Variants in PTPRM observed in about 807,000 individuals in gnomAD.
PTPRM encodes the protein receptor-type tyrosine-protein phosphatase mu.
In PTPRM, 47 loss-of-function variants were observed where a neutral mutation model predicts 186.7. The observed-to-expected ratio is 0.25, with a 90% CI of 0.20 to 0.32. The LOEUF (loss-of-function observed/expected upper bound fraction) is 0.32. PTPRM is among the 10% of genes least tolerant of loss of function. The probability of loss-of-function intolerance (pLI) is 1.00; values close to 1 mark genes in which losing one functional copy is unlikely to be tolerated. For synonymous variants in PTPRM, 668 were observed against 674.9 expected (o/e 0.99, Z 0.16); for missense variants, 1,494 against 1,865.0 (o/e 0.80, Z 3.66).
chr18:7,791,320 G>T (rs567037087), intron 2 of PTPRM, among the ~76,000 whole-genome samples: 3 of 151,996 alleles, frequency 2.0e-5, no homozygotes, highest in Non-Finnish European at 4.4e-5. Context: ...TAGAAAAAAC[G>T]TATGTCTTGG....
At chr18:7,610,364 G>A (rs1010889181) in intron 1 of PTPRM, among the ~76,000 whole-genome samples, 14 of 151,914 alleles carry the variant, frequency 9.2e-5, no homozygotes, top group African/African-American at 2.4e-4. Context: ...ATGAAAGTCC[G>A]TTTTAGAATT....
At chr18:7,758,267 A>AGCTCTGT (rs1481494843) in intron 1 of PTPRM, among the ~76,000 whole-genome samples, 1 of 152,242 alleles carries the variant, frequency 6.6e-6, no homozygotes, top group African/African-American at 2.4e-5. Flanking sequence ...AAAGGGATCC[A>AGCTCTGT]TAAGCTCTTC....
chr18:7,968,521 A>T (rs1364550356), intron 7 of PTPRM, among the ~76,000 whole-genome samples: 9 of 44,436 alleles, frequency 2.0e-4, no homozygotes, highest in African/African-American at 6.8e-4. Context: ...CAAGTTGGAT[A>T]AAGAGTCAAG....
chr18:7,844,106 A>G (rs1227474691), intron 2 of PTPRM, among the ~76,000 whole-genome samples: 1 of 152,148 alleles, frequency 6.6e-6, no homozygotes, highest in South Asian at 2.1e-4. Context: ...CCAAAGTTGT[A>G]AAGACCCCAC....
At chr18:8,176,329 C>T (rs549738489) in intron 14 of PTPRM, among the ~76,000 whole-genome samples, 4 of 152,234 alleles carry the variant, frequency 2.6e-5, no homozygotes, top group Admixed American at 2.0e-4. Context: ...GGCCGAATAG[C>T]CATCTATTGC....
intron 5 of PTPRM, 45 bp from the exon 6 acceptor site, chr18:7,949,136 A>G (rs1568059224): frequency 1.3e-6 from 2 of 1,490,470 alleles, no homozygotes; most frequent in East Asian, 2.3e-5. Context: ...TTGCTCTGAC[A>G]GCTTATATTG....
intron 1 of PTPRM, among the ~76,000 whole-genome samples, chr18:7,669,210 C>T (rs996758543): frequency 9.2e-5 from 14 of 152,204 alleles, no homozygotes; most frequent in Middle Eastern, 3.4e-3. Context: ...GGGGAGAATT[C>T]AGCAGGGGGA....
At chr18:7,688,327 G>T (rs2039655548) in intron 1 of PTPRM, among the ~76,000 whole-genome samples, 1 of 152,102 alleles carries the variant, frequency 6.6e-6, no homozygotes, top group African/African-American at 2.4e-5. Context: ...TTCTCTAAGG[G>T]AGCTTTATTC....
intron 1 of PTPRM, among the ~76,000 whole-genome samples, chr18:7,693,108 A>T (rs1182821840): frequency 6.6e-6 from 1 of 152,204 alleles, no homozygotes; most frequent in Admixed American, 6.5e-5. Flanking sequence ...AGTTATGATG[A>T]CTGTGGCTAG....
At chr18:8,289,432 A>G (rs1392154305) in intron 19 of PTPRM, among the ~76,000 whole-genome samples, 3 of 139,438 alleles carry the variant, frequency 2.2e-5, no homozygotes, top group Non-Finnish European at 4.6e-5. Context: ...ACGTATATAT[A>G]TGTATATATA....
At chr18:8,085,483 A>G (rs556319533) in intron 9 of PTPRM, among the ~76,000 whole-genome samples, 188 bp from the exon 10 acceptor site, 43 of 152,308 alleles carry the variant, frequency 2.8e-4, no homozygotes, top group Non-Finnish European at 4.6e-4. Flanking sequence ...CCCTGTCTAT[A>G]AAAGTAATAA....
At chr18:8,046,070 A>G (rs923825744) in intron 7 of PTPRM, among the ~76,000 whole-genome samples, 2 of 152,102 alleles carry the variant, frequency 1.3e-5, no homozygotes, top group East Asian at 3.9e-4. Context: ...CATGATAGTG[A>G]GTGAGTTTCA....
In PTPRM at chr18:7,755,562, A is replaced by G. The variant is rs995679062; in HGVS notation, c.74-18587A>G. On this transcript the variant is annotated intron_variant, in intron 1 of 32. Coordinates refer to ENST00000580170, the MANE Select transcript of PTPRM (RefSeq NM_001105244.2). ...GCAAAAATAGGATATGAGGATAGGT[A>G]TAAGAATTTTATTTTGTGCTATGTG... is the stretch of plus-strand genomic sequence containing the variant. Among the ~76,000 whole-genome samples, 4 of 152,332 alleles carry G rather than the reference A, an allele frequency of 2.6e-5. No individual in the cohort carries two copies. In the East Asian group the frequency reaches 7.7e-4, roughly 29 times the overall value.
At chr18:8,083,830 C>T (rs1307024727) in intron 9 of PTPRM, among the ~76,000 whole-genome samples, 2 of 152,074 alleles carry the variant, frequency 1.3e-5, no homozygotes, top group Middle Eastern at 3.2e-3. Context: ...CAGAAAAGCC[C>T]CATTAGTGTT....
intron 1 of PTPRM, among the ~76,000 whole-genome samples, chr18:7,636,434 CT>C (rs542504222): frequency 5.6e-4 from 86 of 152,280 alleles, no homozygotes; most frequent in African/African-American, 2.0e-3. Flanking sequence ...ATTTCATTTA[CT>C]TCCAAGTAAA....
chr18:7,963,209 AGT>A (rs1262386053), intron 7 of PTPRM, among the ~76,000 whole-genome samples: 1 of 152,258 alleles, frequency 6.6e-6, no homozygotes, highest in East Asian at 1.9e-4. Context: ...TCAGCAATGC[AGT>A]GTCTTTTTTA....
At chr18:7,778,445 G>A (rs1199715510) in intron 2 of PTPRM, among the ~76,000 whole-genome samples, 1 of 151,892 alleles carries the variant, frequency 6.6e-6, no homozygotes, top group African/African-American at 2.4e-5. Flanking sequence ...TAGTAGCAAT[G>A]GGGAAATTTC....
At chr18:8,381,075 C>T (rs628891) in intron 29 of PTPRM, among the ~76,000 whole-genome samples, 39,038 of 151,904 alleles carry the variant, frequency 0.26, 5,449 homozygotes, top group Non-Finnish European at 0.32. Flanking sequence ...ATAAATGGGG[C>T]TTTTGCATAG....
At chr18:7,671,692 T>G (rs2144491335) in intron 1 of PTPRM, among the ~76,000 whole-genome samples, 1 of 152,298 alleles carries the variant, frequency 6.6e-6, no homozygotes, top group Non-Finnish European at 1.5e-5. Flanking sequence ...TAACCTTTCA[T>G]TCGTAAGTGA....
Sources: gnomAD v4.1 joint callset for allele counts (sites outside exome capture counted in the v4.1 genomes callset) on GRCh38, gnomAD v4.1.1 for gene constraint, MANE v1.5 for transcripts, NCBI Gene and HGNC (gene_info 2026-07-23, HGNC 2026-07-21) for gene names.